PPP5C: variants seen among roughly 807,000 people sequenced by gnomAD.
PPP5C encodes serine/threonine-protein phosphatase 5.
Under a neutral mutation model 66.7 loss-of-function variants are expected in PPP5C, and 21 were observed. The observed-to-expected ratio is 0.31, with a 90% confidence interval of 0.22 to 0.45. PPP5C has a LOEUF of 0.45. Ranked by LOEUF, PPP5C falls within the 20% of genes least tolerant of loss-of-function variation. The pLI is 1.00. For synonymous variants in PPP5C, 246 were observed against 257.4 expected (o/e 0.96, Z 0.43); for missense variants, 464 against 675.9 (o/e 0.69, Z 3.48).
At chr19:46,348,307 A>T (rs374965306) in intron 1 of PPP5C, among the ~76,000 whole-genome samples, 4 of 111,244 alleles carry the variant, frequency 3.6e-5, no homozygotes, top group African/African-American at 3.9e-5. Flanking sequence ...CCAGTTTGGA[A>T]TTTTTTTTTT....
In PPP5C at chr19:46,375,024, C is replaced by T. The variant is rs118133072; in HGVS notation, c.364-580C>T. On this transcript the variant is annotated intron_variant, in intron 2 of 12. Transcript: ENST00000012443. ...TGTGAGGGAGGGAAGTAACAGCACT[C>T]GGTGCTGCTGCCCACCTGCCCCTGC... 1.4e-4 allele frequency among the ~76,000 whole-genome samples: 21 copies of T among 152,300 alleles called. No homozygotes were observed. In the East Asian group the frequency reaches 1.7e-3, roughly 13 times the overall value.
At chr19:46,347,893 G>C (rs987199993) in intron 1 of PPP5C, among the ~76,000 whole-genome samples, 9 of 150,274 alleles carry the variant, frequency 6.0e-5, no homozygotes, top group South Asian at 2.1e-4. Flanking sequence ...GAATGAGACA[G>C]ATGTGGCCCT....
At chr19:46,369,051 A>G (rs1378863221) in intron 2 of PPP5C, among the ~76,000 whole-genome samples, 1 of 152,212 alleles carries the variant, frequency 6.6e-6, no homozygotes, top group Non-Finnish European at 1.5e-5. Flanking sequence ...GACAGTGTGG[A>G]GTGAGGCAAT....
chr19:46,363,307 CAAAAAAAAAAAAAAAAAAAAAAAAAA>C (rs1158423038), intron 2 of PPP5C, among the ~76,000 whole-genome samples: 5 of 27,948 alleles, frequency 1.8e-4, no homozygotes, highest in East Asian at 4.1e-3. Context: ...GACTCCATCT[CAAAAAAAAAAAAAAAAAAAAAAAAAA>C]AAAAAAAAAA....
chr19:46,354,129 C>A, intron 2 of PPP5C, 140 bp downstream of exon 2: 2 of 1,316,512 alleles, frequency 1.5e-6, no homozygotes, highest in Non-Finnish European at 2.1e-6. Flanking sequence ...GGCCTTGGGC[C>A]CAGGCCAGAG....
chr19:46,373,681 G>A (rs1364032697), intron 2 of PPP5C, among the ~76,000 whole-genome samples: 1 of 151,214 alleles, frequency 6.6e-6, no homozygotes, highest in African/African-American at 2.4e-5. Context: ...ACTGCTGCAC[G>A]CACAGCTATG....
At chr19:46,367,920 G>T (rs1972518055) in intron 2 of PPP5C, among the ~76,000 whole-genome samples, 1 of 152,168 alleles carries the variant, frequency 6.6e-6, no homozygotes, top group African/African-American at 2.4e-5. Flanking sequence ...GGTTGAGTTG[G>T]TCCCTGGACC....
chr19:46,383,808 C>G lies in PPP5C; in HGVS notation c.728C>G (p.Thr243Ser). ...ETEKITVCGD[T>S]HGQFYDLLNI... ...GAGAAGATTACAGTATGTGGGGACACCCATGGCCAGTTCTATGACCTCCTC... is the reference window on the plus strand; with the variant it reads ...GAGAAGATTACAGTATGTGGGGACAGCCATGGCCAGTTCTATGACCTCCTC... Residue 243 changes from threonine to serine, a missense_variant, in exon 6 of 13, where the codon ACC (threonine) becomes AGC (serine). Thr to Ser is a moderately conservative substitution (Grantham distance 58). Coordinates refer to ENST00000012443, the MANE Select transcript of PPP5C (RefSeq NM_006247.4). The surrounding 1 kb of genome is among the most constrained non-coding windows in gnomAD (Gnocchi z 5.0). 1 of 1,613,930 alleles carries G rather than the reference C, an allele frequency of 6.2e-7. No homozygotes were observed.
chr19:46,372,400 A>G (rs1008053210), intron 2 of PPP5C, among the ~76,000 whole-genome samples: 3 of 151,584 alleles, frequency 2.0e-5, no homozygotes, highest in African/African-American at 4.9e-5. Flanking sequence ...TTTTCTAGAG[A>G]TAGGGACTCA....
Position 46,390,842 on chromosome 19 carries a change from A to G in PPP5C, c.*496A>G. On this transcript the variant is annotated 3_prime_UTR_variant, in exon 13 of 13. Transcript: ENST00000012443. Reference sequence around the variant, plus strand: ...TTAAATATGTTAAAATAAAGTCATTATCGGAAGTCAGCTTGTCTCTGGATG... The same window carrying G: ...TTAAATATGTTAAAATAAAGTCATTGTCGGAAGTCAGCTTGTCTCTGGATG... 1 of 1,131,216 alleles carries G rather than the reference A, an allele frequency of 8.8e-7. No homozygotes were observed. Among genetic ancestry groups the G allele is most frequent in the Non-Finnish European group, 1.1e-6 (1 of 909,598 alleles). The allele number at this position is 1,131,216 out of a possible 1,614,324, so 70.1% of individuals were successfully genotyped here. A position where few individuals can be genotyped will look rare whatever the true frequency, so the allele number is the denominator to read the frequency against.
In PPP5C at chr19:46,388,235, C is replaced by T; in HGVS notation, c.1136-173C>T. ...ATCAGCAGAGAGGGTGGGGGTGGCT[C>T]AGAATCACAGTCACCTGTCCTGAAT... is the stretch of plus-strand genomic sequence containing the variant. On this transcript the variant is annotated intron_variant, in intron 9 of 12. Coordinates refer to ENST00000012443, the MANE Select transcript of PPP5C (RefSeq NM_006247.4). This position sits in a 1 kb window ranked among gnomAD's most constrained non-coding sequence, Gnocchi z 4.9. 2 of 675,136 alleles carry T rather than the reference C, an allele frequency of 3.0e-6. No homozygotes were observed. The highest frequency in any genetic ancestry group is 4.9e-6 in the Non-Finnish European group (2 of 409,502). The allele number at this position is 675,136 out of a possible 1,614,324, so 41.8% of individuals were successfully genotyped here.
intron 2 of PPP5C, among the ~76,000 whole-genome samples, chr19:46,362,242 T>A (rs967014622): frequency 6.6e-6 from 1 of 152,224 alleles, no homozygotes. Flanking sequence ...CTGTTAGTCA[T>A]GTAGCAGTAA....
Position 46,383,401 on chromosome 19 carries a change from T to C in PPP5C, c.634-10T>C. Reference sequence around the variant, plus strand: ...GCAGCCGGTCCCACTGAGTCTGCCCTGCCTTCCAGATTCTGGTACAGGTCA... The same window carrying C: ...GCAGCCGGTCCCACTGAGTCTGCCCCGCCTTCCAGATTCTGGTACAGGTCA... On this transcript the variant is annotated splice_polypyrimidine_tract_variant and intron_variant, in intron 4 of 12. Coordinates refer to ENST00000012443, the MANE Select transcript of PPP5C (RefSeq NM_006247.4). The surrounding 1 kb of genome is among the most constrained non-coding windows in gnomAD (Gnocchi z 5.0). The C allele has an allele frequency of 1.9e-6, 3 of 1,610,018 alleles. No homozygotes were observed. The highest frequency in any genetic ancestry group is 2.5e-6 in the Non-Finnish European group (3 of 1,178,268).
Position 46,376,766 on chromosome 19 carries a change from G to A in PPP5C, c.633+192G>A, listed in dbSNP as rs1972704449. On this transcript the variant is annotated intron_variant, in intron 4 of 12. Transcript: ENST00000012443. This position sits in a 1 kb window ranked among gnomAD's most constrained non-coding sequence, Gnocchi z 5.1. Reference sequence around the variant, plus strand: ...ATCTCGTCCCACAGCAGTTTGGGGAGGTGGCAGGCAGTGCCATTTGACAGA... The same window carrying A: ...ATCTCGTCCCACAGCAGTTTGGGGAAGTGGCAGGCAGTGCCATTTGACAGA... The A allele has an allele frequency of 1.3e-6, 1 of 758,538 alleles. No homozygotes were observed. Among genetic ancestry groups the A allele is most frequent in the Non-Finnish European group, 2.0e-6 (1 of 499,624 alleles). 47.0% of individuals were successfully genotyped at this position (758,538 alleles called of 1,614,324 possible).
chr19:46,385,052 G>T, intron 7 of PPP5C, 143 bp downstream of exon 7: 2 of 647,292 alleles, frequency 3.1e-6, no homozygotes, highest in South Asian at 1.7e-5. Context: ...TGAGTATGTA[G>T]TGCACTGCAC....
chr19:46,374,718 C>T (rs10412803), intron 2 of PPP5C, among the ~76,000 whole-genome samples: 37,057 of 152,064 alleles, frequency 0.24, 4,985 homozygotes, highest in Middle Eastern at 0.33. Flanking sequence ...GAGCAGTGGG[C>T]GCCCACGTGG....
At chr19:46,384,145 C>T (rs1249842455) in intron 6 of PPP5C, 1 of 502,496 alleles carries the variant, frequency 2.0e-6, no homozygotes, top group East Asian at 3.3e-5. Flanking sequence ...TTGTCTTCGT[C>T]TGCCTCAGGA....
chr19:46,371,115 GTCCTTTTCC>G (rs1344650566), intron 2 of PPP5C, among the ~76,000 whole-genome samples: 2 of 152,140 alleles, frequency 1.3e-5, no homozygotes, highest in African/African-American at 2.4e-5. Context: ...CCCTCACGGG[GTCCTTTTCC>G]GGAAGACACC....
At chr19:46,362,964 T>C (rs1972417685) in intron 2 of PPP5C, among the ~76,000 whole-genome samples, 1 of 150,736 alleles carries the variant, frequency 6.6e-6, no homozygotes, top group South Asian at 2.1e-4. Flanking sequence ...ATTTTTTGTA[T>C]TTTTAGTAGA....
Sources: allele counts gnomAD v4.1 joint callset (sites outside exome capture counted in the v4.1 genomes callset), GRCh38; gene constraint gnomAD v4.1.1; non-coding constraint Gnocchi (gnomAD v3.1); transcripts MANE v1.5; gene names NCBI Gene and HGNC (gene_info 2026-07-23, HGNC 2026-07-21).